NPAS2: variants seen among roughly 807,000 people sequenced by gnomAD.
NPAS2 encodes neuronal PAS domain-containing protein 2.
Under a neutral mutation model 107.5 loss-of-function variants are expected in NPAS2, and 23 were observed. That is an observed-to-expected ratio of 0.21 (90% CI 0.15 to 0.30). The LOEUF (loss-of-function observed/expected upper bound fraction) is 0.30. NPAS2 is among the 10% of genes least tolerant of loss of function. NPAS2 has a pLI of 1.00. For synonymous variants in NPAS2, 403 were observed against 417.5 expected (o/e 0.97, Z 0.42); for missense variants, 756 against 1,043.3 (o/e 0.72, Z 3.79).
At chr2:100,880,186 G>A (rs1459870751) in intron 1 of NPAS2, among the ~76,000 whole-genome samples, 1 of 152,216 alleles carries the variant, frequency 6.6e-6, no homozygotes, top group African/African-American at 2.4e-5. Flanking sequence ...GTAAACTGGT[G>A]CAGCCGCTGT....
At chr2:100,873,581 C>G (rs1278111418) in intron 1 of NPAS2, among the ~76,000 whole-genome samples, 1 of 151,922 alleles carries the variant, frequency 6.6e-6, no homozygotes, top group Non-Finnish European at 1.5e-5. Flanking sequence ...AACTCAGCTA[C>G]ATAGATAGTC....
intron 1 of NPAS2, among the ~76,000 whole-genome samples, chr2:100,835,956 AG>A (rs1677030874): frequency 6.6e-6 from 1 of 152,202 alleles, no homozygotes; most frequent in East Asian, 1.9e-4. Flanking sequence ...TTTGAGTAAC[AG>A]GGTTTTCTAA....
In NPAS2 at chr2:100,965,805, G is replaced by A. The variant is rs767145134; in HGVS notation, c.907+39G>A. On this transcript the variant is annotated intron_variant, in intron 10 of 20. Coordinates refer to ENST00000335681, the MANE Select transcript of NPAS2 (RefSeq NM_002518.4). The surrounding 1 kb of genome is among the most constrained non-coding windows in gnomAD (Gnocchi z 4.3). ...CCCAGCCCAGGCATGGGGGCCTTGC[G>A]TTCACTCCACTGGGGCCCAGCAGCA... is the stretch of plus-strand genomic sequence containing the variant. The A allele has an allele frequency of 2.3e-5, 31 of 1,340,306 alleles. 1 individual carries two copies. The highest frequency in any genetic ancestry group is 2.0e-4 in the South Asian group (17 of 83,792). 83.0% of individuals were successfully genotyped at this position (1,340,306 alleles called of 1,614,324 possible).
At chr2:100,841,631 A>G (rs1677405948) in intron 1 of NPAS2, among the ~76,000 whole-genome samples, 1 of 152,204 alleles carries the variant, frequency 6.6e-6, no homozygotes, top group Non-Finnish European at 1.5e-5. Context: ...AGGTTAGAAC[A>G]TTCGATAACC....
intron 7 of NPAS2, among the ~76,000 whole-genome samples, chr2:100,959,110 C>CAAAAAAAAAA (rs755776689): frequency 1.3e-4 from 9 of 69,544 alleles, no homozygotes; most frequent in African/African-American, 4.5e-4. Context: ...AAAAAAAAAA[C>CAAAAAAAAAA]AAAACTAAAA....
At chr2:100,858,760 T>C (rs761015094) in intron 1 of NPAS2, among the ~76,000 whole-genome samples, 3 of 152,212 alleles carry the variant, frequency 2.0e-5, no homozygotes, top group Non-Finnish European at 4.4e-5. Flanking sequence ...CTGAAAATAG[T>C]CCTAATTACT....
chr2:100,821,163 T>C, intron 1 of NPAS2: 1 of 1,304,650 alleles, frequency 7.7e-7, no homozygotes, highest in Non-Finnish European at 1.0e-6. Flanking sequence ...TCAGAACCAG[T>C]CCCGCTCCTC....
intron 4 of NPAS2, among the ~76,000 whole-genome samples, chr2:100,934,324 T>TC (rs1165022614): frequency 2.0e-5 from 3 of 151,984 alleles, no homozygotes; most frequent in Admixed American, 2.0e-4. Flanking sequence ...CTTTTTTTTT[T>TC]TTCCCAGTTA....
chr2:100,908,794 G>A (rs913558699), intron 2 of NPAS2, among the ~76,000 whole-genome samples: 6 of 152,196 alleles, frequency 3.9e-5, no homozygotes, highest in Non-Finnish European at 7.3e-5. Context: ...CTTTGGTTGA[G>A]AGACGGAGAG....
intron 1 of NPAS2, among the ~76,000 whole-genome samples, chr2:100,850,069 A>G (rs1678069683): frequency 6.6e-6 from 1 of 150,626 alleles, no homozygotes; most frequent in Admixed American, 6.6e-5. Context: ...AATTTGTGAA[A>G]TTCAGTGTAT....
intron 7 of NPAS2, among the ~76,000 whole-genome samples, chr2:100,952,788 A>G (rs981498233): frequency 2.0e-5 from 3 of 149,170 alleles, no homozygotes; most frequent in African/African-American, 7.4e-5. Flanking sequence ...GCAGGGCTCT[A>G]CTTTCACTAT....
In NPAS2 at chr2:100,995,936, G is replaced by T; in HGVS notation, c.*354G>T. On this transcript the variant is annotated 3_prime_UTR_variant, in exon 21 of 21. Coordinates refer to ENST00000335681, the MANE Select transcript of NPAS2 (RefSeq NM_002518.4). ...CGGTTGCTCTAGCCACCTGCGGCCCGCCCATCTGCGCTAGCTGGCCTTCAC... is the reference window on the plus strand; with the variant it reads ...CGGTTGCTCTAGCCACCTGCGGCCCTCCCATCTGCGCTAGCTGGCCTTCAC... 1 of 1,384,686 alleles carries T rather than the reference G, an allele frequency of 7.2e-7. No homozygotes were observed. The highest frequency in any genetic ancestry group is 9.5e-7 in the Non-Finnish European group (1 of 1,049,972). 85.8% of individuals were successfully genotyped at this position (1,384,686 alleles called of 1,614,324 possible).
At chr2:100,982,109 G>A in intron 15 of NPAS2, 122 bp from the exon 16 acceptor site, 3 of 1,226,476 alleles carry the variant, frequency 2.4e-6, no homozygotes, top group African/African-American at 1.5e-5. Context: ...GGCTCCTTAG[G>A]GATGCTGGGA....
chr2:100,972,093 G>A (rs533534754), intron 12 of NPAS2, among the ~76,000 whole-genome samples: 167 of 151,956 alleles, frequency 1.1e-3, no homozygotes, highest in African/African-American at 3.7e-3. Flanking sequence ...GATTATAGGC[G>A]CCCACCACCA....
intron 1 of NPAS2, among the ~76,000 whole-genome samples, chr2:100,891,431 G>T (rs1379741141): frequency 6.6e-5 from 10 of 152,124 alleles, no homozygotes; most frequent in Admixed American, 6.5e-4. Context: ...CGGCTCTGAA[G>T]GTCCCACCTG....
intron 1 of NPAS2, among the ~76,000 whole-genome samples, chr2:100,857,802 CTT>C (rs59398493): frequency 0.43 from 64,733 of 152,016 alleles, 15,308 homozygotes; most frequent in Non-Finnish European, 0.54. Flanking sequence ...CCAAATGACT[CTT>C]TGTCCCACTG....
chr2:100,834,380 G>A (rs1427251698), intron 1 of NPAS2, among the ~76,000 whole-genome samples: 1 of 152,200 alleles, frequency 6.6e-6, no homozygotes, highest in Non-Finnish European at 1.5e-5. Flanking sequence ...AGATAAGGAA[G>A]GCTGGGTGCT....
At chr2:100,924,697 T>C (rs1014577265) in intron 2 of NPAS2, among the ~76,000 whole-genome samples, 1 of 151,970 alleles carries the variant, frequency 6.6e-6, no homozygotes, top group Admixed American at 6.6e-5. Flanking sequence ...CCAGGACATA[T>C]GCACTGGTGG....
At chr2:100,957,701 C>T (rs1447994461) in intron 7 of NPAS2, among the ~76,000 whole-genome samples, 1 of 151,934 alleles carries the variant, frequency 6.6e-6, no homozygotes, top group African/African-American at 2.4e-5. Flanking sequence ...CCGAGGCGGG[C>T]GGATCACGAT....
Sources: gnomAD v4.1 joint callset for allele counts (sites outside exome capture counted in the v4.1 genomes callset) on GRCh38, gnomAD v4.1.1 for gene constraint, Gnocchi (gnomAD v3.1) non-coding constraint, MANE v1.5 for transcripts, NCBI Gene and HGNC (gene_info 2026-07-23, HGNC 2026-07-21) for gene names.